The following TFCP2 variants were observed in gnomAD, a reference collection of about 807,000 sequenced individuals.
TFCP2 encodes alpha-globin transcription factor CP2.
TFCP2 carries 33 observed loss-of-function variants against 73.4 expected under a neutral mutation model. That is an observed-to-expected ratio of 0.45 (90% CI 0.34 to 0.60). The LOEUF (loss-of-function observed/expected upper bound fraction) is 0.60, where lower values mean the gene tolerates loss of function less well. Ranked by LOEUF, TFCP2 falls within the 20% of genes least tolerant of loss-of-function variation. The pLI, the probability that TFCP2 is intolerant of heterozygous loss-of-function variation, is 0.01. For missense variants in TFCP2, 352 were observed against 604.0 expected (o/e 0.58, Z 4.37); for synonymous variants, 193 against 211.6 (o/e 0.91, Z 0.76).
At chr12:51,104,258 T>A in intron 8 of TFCP2, 55 bp from the exon 9 acceptor site, 1 of 1,451,330 alleles carries the variant, frequency 6.9e-7, no homozygotes, top group Non-Finnish European at 9.6e-7. Context: ...TGGGGCTCAT[T>A]ATTTCATTCC....
intron 1 of TFCP2, among the ~76,000 whole-genome samples, chr12:51,135,909 T>C (rs1305003395): frequency 6.6e-6 from 1 of 152,184 alleles, no homozygotes; most frequent in African/African-American, 2.4e-5. Flanking sequence ...AGTAAATCCC[T>C]TCAAACCTTT....
chr12:51,147,442 C>T lies in TFCP2; in HGVS notation c.122+24859G>A, dbSNP rs1941322309. ...CCCAAGTTTATTCTGTTAGGTTCTA[C>T]TTGAGGCATAGTGAGAGTCGACTAT... On this transcript the variant is annotated intron_variant, in intron 1 of 14. Transcript: ENST00000257915. 5.9e-5 allele frequency among the ~76,000 whole-genome samples: 9 copies of T among 152,038 alleles called. No individual in the cohort carries two copies. In the South Asian group the frequency reaches 1.9e-3, roughly 32 times the overall value.
intron 1 of TFCP2, among the ~76,000 whole-genome samples, chr12:51,143,320 C>T (rs1941228009): frequency 6.6e-6 from 1 of 150,762 alleles, no homozygotes; most frequent in African/African-American, 2.4e-5. Flanking sequence ...AGCCTATCCC[C>T]CTTTCTCAGC....
intron 11 of TFCP2, 113 bp from the exon 12 acceptor site, chr12:51,099,892 G>T: frequency 7.7e-7 from 1 of 1,296,092 alleles, no homozygotes; most frequent in Non-Finnish European, 1.0e-6. Flanking sequence ...AAAATTGGAA[G>T]CTCATTGGCC....
At chr12:51,168,766 G>A (rs1428241301) in intron 1 of TFCP2, among the ~76,000 whole-genome samples, 1 of 151,986 alleles carries the variant, frequency 6.6e-6, no homozygotes, top group African/African-American at 2.4e-5. Flanking sequence ...TTACAGGCAC[G>A]AGCCACCATG....
chr12:51,137,931 T>C (rs2640517), intron 1 of TFCP2, among the ~76,000 whole-genome samples: 149,762 of 152,242 alleles, frequency 0.98, 73,703 homozygotes, highest in Middle Eastern at 1. Context: ...CTTTCTTCCC[T>C]CTTGCAGTCA....
At chr12:51,110,842 T>C in intron 5 of TFCP2, 35 bp downstream of exon 5, 1 of 1,379,582 alleles carries the variant, frequency 7.2e-7, no homozygotes. Context: ...AGAGAGATAC[T>C]CTTCAAAACT....
At position 51,116,364 on chromosome 12, in the gene TFCP2, CTG is replaced by C; in HGVS notation, c.406_407del (p.Gln136AlafsTer15). 6.2e-7 allele frequency: 1 copy of C among 1,610,536 alleles called. No individual in the cohort carries two copies. The highest frequency in any genetic ancestry group is 8.5e-7 in the Non-Finnish European group (1 of 1,177,932). On this transcript the variant is annotated frameshift_variant, in exon 4 of 15. Transcript: ENST00000257915. LOFTEE classifies it high-confidence loss of function. ...GTCGGTTCCACCTCCAGCCCTCTAGCTGCTGATGCTCAGTGTACTGAAGCCTT... is the reference window on the plus strand; with the variant it reads ...GTCGGTTCCACCTCCAGCCCTCTAGCCTGATGCTCAGTGTACTGAAGCCTT... ...DRRLQYTEHQQLEGWRWNRPG... is the reference protein window; with the variant it reads ...DRRLQYTEHQXLEGWRWNRPG...
intron 1 of TFCP2, among the ~76,000 whole-genome samples, chr12:51,150,226 T>C (rs1336829761): frequency 6.6e-6 from 1 of 152,096 alleles, no homozygotes; most frequent in Non-Finnish European, 1.5e-5. Flanking sequence ...GAGACCAGCC[T>C]GGCCAACATG....
In TFCP2 at chr12:51,101,987, G is replaced by T. The variant is rs959403892; in HGVS notation, c.1099C>A (p.Gln367Lys). 6.2e-7 allele frequency: 1 copy of T among 1,613,046 alleles called. No homozygotes were observed. Among genetic ancestry groups the T allele is most frequent in the African/African-American group, 1.3e-5 (1 of 74,936 alleles). Residue 367 changes from glutamine (Q) to lysine (K), a missense_variant, in exon 11 of 15, where the codon CAA becomes AAA. Gln to Lys is a moderately conservative substitution (Grantham distance 53). Coordinates refer to ENST00000257915, the MANE Select transcript of TFCP2 (RefSeq NM_005653.5). ...LLKLTRDDVI[Q>K]ICGPADGIRL... ...ATTCCATCTGCAGGGCCACAGATTT[G>T]GATCACATCATCTCTAGTTAATTTC...
At chr12:51,142,029 C>A (rs1941204023) in intron 1 of TFCP2, among the ~76,000 whole-genome samples, 1 of 151,346 alleles carries the variant, frequency 6.6e-6, no homozygotes, top group Non-Finnish European at 1.5e-5. Flanking sequence ...ACGGTGAAAC[C>A]CCGTCTCTAC....
Position 51,104,196 on chromosome 12 carries a change from A to G in TFCP2, c.925T>C (p.Ser309Pro). Reference sequence around the variant, plus strand: ...GGTGGCTCTGGCTGGTGGTTTGGTGAACCATTTCTAAAGAAACATTTAAAA... The same window carrying G: ...GGTGGCTCTGGCTGGTGGTTTGGTGGACCATTTCTAAAGAAACATTTAAAA... ...SSFSLGEGNG[S>P]PNHQPEPPPP... is the part of the protein sequence containing the mutation. The change falls in exon 9 of 15, where the codon TCA (serine) becomes CCA (proline). Residue 309 changes from serine (S) to proline (P), a missense_variant. Ser to Pro is a moderately conservative substitution (Grantham distance 74). Transcript: ENST00000257915. 6.2e-7 allele frequency: 1 copy of G among 1,613,928 alleles called. No individual in the cohort carries two copies. The highest frequency in any genetic ancestry group is 8.5e-7 in the Non-Finnish European group (1 of 1,179,912).
Position 51,131,317 on chromosome 12 carries a change from A to G in TFCP2, c.123-12545T>C, listed in dbSNP as rs1291490080. 2.8e-5 allele frequency among the ~76,000 whole-genome samples: 4 copies of G among 143,938 alleles called. No homozygotes were observed. The South Asian group carries it at 6.9e-4, about 25-fold the overall frequency. The allele number at this position is 143,938 out of a possible 152,430, so 94.4% of individuals were successfully genotyped here. ...ACCACTGCACCCCAGCCTGGGTGACAGAGCAAGACTGTCTCAAAAAAAAAA... is the reference window on the plus strand; with the variant it reads ...ACCACTGCACCCCAGCCTGGGTGACGGAGCAAGACTGTCTCAAAAAAAAAA... On this transcript the variant is annotated intron_variant, in intron 1 of 14. Transcript: ENST00000257915.
At chr12:51,156,123 C>G (rs575650547) in intron 1 of TFCP2, among the ~76,000 whole-genome samples, 6 of 151,592 alleles carry the variant, frequency 4.0e-5, no homozygotes, top group African/African-American at 1.5e-4. Context: ...AGGGCTTTGG[C>G]ATCAAGACTA....
chr12:51,127,571 C>A (rs977098084), intron 1 of TFCP2, among the ~76,000 whole-genome samples: 4 of 152,170 alleles, frequency 2.6e-5, no homozygotes, highest in African/African-American at 9.7e-5. Context: ...GGCACAGGCC[C>A]ACTCTTTGAT....
At chr12:51,168,339 G>A (rs79733547) in intron 1 of TFCP2, among the ~76,000 whole-genome samples, 1 of 152,036 alleles carries the variant, frequency 6.6e-6, no homozygotes, top group South Asian at 2.1e-4. Context: ...TCAGGAATTC[G>A]AGGCAGCAGT....
chr12:51,111,215 C>A (rs1387640659), intron 4 of TFCP2, among the ~76,000 whole-genome samples: 1 of 151,944 alleles, frequency 6.6e-6, no homozygotes, highest in African/African-American at 2.4e-5. Context: ...ACCATCTCAG[C>A]TCACTGCAAC....
intron 3 of TFCP2, among the ~76,000 whole-genome samples, chr12:51,116,892 T>C (rs1033385504): frequency 4.6e-5 from 7 of 152,154 alleles, no homozygotes; most frequent in Admixed American, 2.0e-4. Flanking sequence ...GCTGGGACTA[T>C]AGGCGTGAGC....
At chr12:51,158,211 T>C (rs1244635662) in intron 1 of TFCP2, among the ~76,000 whole-genome samples, 21 of 151,224 alleles carry the variant, frequency 1.4e-4, no homozygotes, top group Admixed American at 1.3e-3. Context: ...AGAGACGAGG[T>C]CTTGCTATGT....
Sources: gnomAD v4.1 joint callset for allele counts (sites outside exome capture counted in the v4.1 genomes callset) on GRCh38, gnomAD v4.1.1 for gene constraint, MANE v1.5 for transcripts, NCBI Gene and HGNC (gene_info 2026-07-23, HGNC 2026-07-21) for gene names.